Variants in MED13 observed in about 807,000 individuals in gnomAD.
The protein encoded by MED13 is mediator of RNA polymerase II transcription subunit 13.
MED13 carries 23 observed loss-of-function variants against 225.2 expected under a neutral mutation model. The ratio of observed to expected loss-of-function variants is 0.10; its 90% confidence interval spans 0.07 to 0.14. MED13 has a LOEUF of 0.14. Among genes scored for constraint, MED13 ranks in the 10% least tolerant of loss-of-function variants. The pLI, the probability that MED13 is intolerant of heterozygous loss-of-function variation, is 1.00. For synonymous variants in MED13, 942 were observed against 889.2 expected (o/e 1.06, Z -1.06); for missense variants, 2,197 against 2,594.5 (o/e 0.85, Z 3.33).
At chr17:61,951,928 C>A (rs369787626) in intron 27 of MED13, among the ~76,000 whole-genome samples, 3 of 152,066 alleles carry the variant, frequency 2.0e-5, no homozygotes, top group Non-Finnish European at 4.4e-5. Flanking sequence ...GATGGAGTCT[C>A]GCTCTGTCGC....
chr17:62,041,638 A>G (rs1437741877), intron 3 of MED13, among the ~76,000 whole-genome samples: 1 of 151,862 alleles, frequency 6.6e-6, no homozygotes, highest in Non-Finnish European at 1.5e-5. Context: ...GTGCAGTGGC[A>G]TGATCAGAAT....
At chr17:62,021,758 A>C (rs973988496) in intron 8 of MED13, among the ~76,000 whole-genome samples, 4 of 152,232 alleles carry the variant, frequency 2.6e-5, no homozygotes, top group Non-Finnish European at 5.9e-5. Context: ...AAATCGGTAG[A>C]ACCTTTTTTG....
chr17:62,028,107 C>G (rs2080720143), intron 8 of MED13, among the ~76,000 whole-genome samples: 1 of 152,130 alleles, frequency 6.6e-6, no homozygotes, highest in African/African-American at 2.4e-5. Flanking sequence ...ACGCAAATGT[C>G]CACTGCAGCA....
At chr17:62,030,284 G>A (rs1435756915) in intron 6 of MED13, 2 of 307,922 alleles carry the variant, frequency 6.5e-6, no homozygotes, top group Non-Finnish European at 1.2e-5. Context: ...CGTGTCGGGG[G>A]AGGTGGGCTG....
At chr17:61,975,673 C>T (rs972117983) in intron 16 of MED13, among the ~76,000 whole-genome samples, 1 of 151,836 alleles carries the variant, frequency 6.6e-6, no homozygotes, top group Non-Finnish European at 1.5e-5. Context: ...GAGCCAAGAT[C>T]GTACCCCACT....
chr17:61,987,569 G>A (rs1255842899), intron 11 of MED13, among the ~76,000 whole-genome samples: 1 of 151,972 alleles, frequency 6.6e-6, no homozygotes, highest in African/African-American at 2.4e-5. Flanking sequence ...GTTTAAAATC[G>A]AGAAAGTGTT....
chr17:61,992,662 T>C (rs754721102), intron 10 of MED13, 41 bp from the exon 11 acceptor site: 1 of 1,387,886 alleles, frequency 7.2e-7, no homozygotes, highest in Non-Finnish European at 1.0e-6. Flanking sequence ...ATATATAATT[T>C]ACCAACAATA....
intron 17 of MED13, among the ~76,000 whole-genome samples, chr17:61,968,548 G>A (rs933280194): frequency 8.5e-5 from 13 of 152,172 alleles, no homozygotes; most frequent in African/African-American, 2.9e-4. Context: ...GGATGGTCTC[G>A]AGCTCCTGAC....
At chr17:62,009,876 TTAAAA>T (rs2080489377) in intron 9 of MED13, among the ~76,000 whole-genome samples, 1 of 152,160 alleles carries the variant, frequency 6.6e-6, no homozygotes, top group Non-Finnish European at 1.5e-5. Flanking sequence ...CATAAAGCAA[TTAAAA>T]TGAATAACTA....
intron 17 of MED13, among the ~76,000 whole-genome samples, chr17:61,972,460 T>C (rs2080118257): frequency 6.6e-6 from 1 of 152,038 alleles, no homozygotes; most frequent in African/African-American, 2.4e-5. Flanking sequence ...AAGCAGTATG[T>C]CCCTTTCTTC....
chr17:61,956,276 T>C (rs1205027754), intron 24 of MED13, 63 bp downstream of exon 24: 1 of 1,506,738 alleles, frequency 6.6e-7, no homozygotes, highest in Non-Finnish European at 9.1e-7. Flanking sequence ...CTAGACGTGG[T>C]CAGAACTGTG....
At chr17:61,993,648 G>A (rs1030352798) in intron 10 of MED13, among the ~76,000 whole-genome samples, 4 of 151,926 alleles carry the variant, frequency 2.6e-5, no homozygotes, top group African/African-American at 7.2e-5. Flanking sequence ...TATTATTGGG[G>A]GCCAGGCACG....
At chr17:61,974,105 T>C (rs1460247307) in intron 16 of MED13, among the ~76,000 whole-genome samples, 3 of 152,188 alleles carry the variant, frequency 2.0e-5, no homozygotes, top group East Asian at 1.9e-4. Flanking sequence ...GAATACTACT[T>C]AGTAGTTGAA....
At chr17:61,959,476 T>G (rs2079978797) in intron 23 of MED13, among the ~76,000 whole-genome samples, 1 of 152,076 alleles carries the variant, frequency 6.6e-6, no homozygotes, top group South Asian at 2.1e-4. Flanking sequence ...AGTATAAATA[T>G]CCAATTAAAA....
intron 8 of MED13, among the ~76,000 whole-genome samples, chr17:62,024,310 G>A (rs752660551): frequency 3.5e-4 from 54 of 152,316 alleles, no homozygotes; most frequent in Non-Finnish European, 4.9e-4. Context: ...AAGCCACTGC[G>A]CCTGGACAAG....
intron 16 of MED13, among the ~76,000 whole-genome samples, chr17:61,979,167 G>C (rs1238557914): frequency 6.6e-6 from 1 of 152,104 alleles, no homozygotes. Flanking sequence ...CTGACTATAT[G>C]TAATCTTCTG....
At chr17:62,001,058 A>G (rs1455738280) in intron 9 of MED13, among the ~76,000 whole-genome samples, 1 of 152,142 alleles carries the variant, frequency 6.6e-6, no homozygotes, top group East Asian at 1.9e-4. Context: ...CACTGCGCCC[A>G]GCCTAGGTAT....
chr17:62,010,668 A>G lies in MED13; in HGVS notation c.1849T>C (p.Tyr617His), dbSNP rs772092303. The G allele has an allele frequency of 1.3e-6, 2 of 1,512,374 alleles. No individual in the cohort carries two copies. The highest frequency in any genetic ancestry group is 1.8e-6 in the Non-Finnish European group (2 of 1,130,282). The allele number at this position is 1,512,374 out of a possible 1,614,324, so 93.7% of individuals were successfully genotyped here. The stretch of plus-strand genomic sequence containing the variant: ...TCTTTTTTCTTTGGGAACTTGTAAT[A>G]CTTCCAGGCTATATTGGCTTCATCT... ...EEDEANIAWKYYKFPKKKDVE... is the reference protein window; with the variant it reads ...EEDEANIAWKHYKFPKKKDVE... Residue 617 changes from tyrosine to histidine, a missense_variant, in exon 9 of 30, where the codon TAT becomes CAT. By Grantham distance (83) the Tyr-to-His change is moderately conservative (BLOSUM62 2). Transcript: ENST00000397786.
At chr17:62,015,574 A>C (rs2080555334) in intron 8 of MED13, among the ~76,000 whole-genome samples, 1 of 151,322 alleles carries the variant, frequency 6.6e-6, no homozygotes, top group African/African-American at 2.4e-5. Flanking sequence ...TGAACTTTTA[A>C]TTTTATTTAT....
Sources: gnomAD v4.1 joint callset for allele counts (sites outside exome capture counted in the v4.1 genomes callset) on GRCh38, gnomAD v4.1.1 for gene constraint, MANE v1.5 for transcripts, NCBI Gene and HGNC (gene_info 2026-07-23, HGNC 2026-07-21) for gene names.